COX20: variants seen among roughly 807,000 people sequenced by gnomAD.
COX20 encodes cytochrome c oxidase assembly protein COX20, mitochondrial.
In COX20, 14 loss-of-function variants were observed where a neutral mutation model predicts 14.3. The ratio of observed to expected loss-of-function variants is 0.98; its 90% confidence interval spans 0.65 to 1.53. The LOEUF (loss-of-function observed/expected upper bound fraction) is 1.53, where lower values mean the gene tolerates loss of function less well. COX20 is among the 40% of genes most tolerant of loss of function. The pLI, the probability that COX20 is intolerant of heterozygous loss-of-function variation, is 0.00. For missense variants in COX20, 149 were observed against 142.1 expected, an observed-to-expected ratio of 1.05 and a Z score of -0.25; for synonymous variants, 56 against 51.7, an observed-to-expected ratio of 1.08 and a Z score of -0.36.
intron 1 of COX20, chr1:244,841,614 GC>G (rs1680202801): frequency 5.2e-6 from 1 of 193,776 alleles, no homozygotes; most frequent in Non-Finnish European, 1.1e-5. Context: ...CCAATGATAG[GC>G]ATATTCCCAA....
At chr1:244,840,965 A>G (rs2102973986) in intron 1 of COX20, 1 of 152,340 alleles carries the variant, frequency 6.6e-6, no homozygotes. Context: ...CCTTACTGAA[A>G]ATTTTATATA....
Position 244,835,677 on chromosome 1 carries a change from C to G in COX20, c.-38C>G, listed in dbSNP as rs1040009879. 2.4e-5 allele frequency: 30 copies of G among 1,234,942 alleles called. No individual in the cohort carries two copies. The highest frequency in any genetic ancestry group is 2.9e-5 in the Non-Finnish European group (29 of 988,470). The allele number at this position is 1,234,942 out of a possible 1,614,324, so 76.5% of individuals were successfully genotyped here. On this transcript the variant is annotated 5_prime_UTR_variant, in exon 1 of 4. Coordinates refer to ENST00000411948, the MANE Select transcript of COX20 (RefSeq NM_198076.6). ...AGCCGGGCTTCTGCTTCCGCGACCCCGGCGGTGCAGGGCGGGTGGAGTCGC... is the reference window on the plus strand; with the variant it reads ...AGCCGGGCTTCTGCTTCCGCGACCCGGGCGGTGCAGGGCGGGTGGAGTCGC...
intron 2 of COX20, 25 bp downstream of exon 2, chr1:244,842,083 T>G: frequency 6.5e-7 from 1 of 1,545,218 alleles, no homozygotes; most frequent in Non-Finnish European, 8.9e-7. Flanking sequence ...TTTTTATTTC[T>G]CTATGTACTA....
At position 244,835,731 on chromosome 1, in the gene COX20, A is replaced by C; in HGVS notation, c.17A>C (p.Glu6Ala). Residue 6 changes from glutamate (E) to alanine (A), a missense_variant, in exon 1 of 4, where the codon GAG becomes GCG. Transcript: ENST00000411948. MAAPP[E>A]PGEPEERKSL... ...GTAGTCCTCATGGCCGCCCCGCCGG[A>C]GCCCGGTGAGCCCGAGGAGAGGAAG... is the stretch of plus-strand genomic sequence containing the variant. 7.9e-7 allele frequency: 1 copy of C among 1,268,840 alleles called. No homozygotes were observed. The highest frequency in any genetic ancestry group is 1.0e-6 in the Non-Finnish European group (1 of 1,004,634). 78.6% of individuals were successfully genotyped at this position (1,268,840 alleles called of 1,614,324 possible).
At chr1:244,837,777 GGT>G (rs1680042301) in intron 1 of COX20, among the ~76,000 whole-genome samples, 1 of 152,148 alleles carries the variant, frequency 6.6e-6, no homozygotes, top group Admixed American at 6.5e-5. Context: ...GTGTTCGTTC[GGT>G]AATAACCATC....
intron 1 of COX20, chr1:244,836,427 C>G: frequency 6.7e-7 from 1 of 1,483,484 alleles, no homozygotes. Context: ...AGCGCTCTCC[C>G]TGGAAGGGCT....
At chr1:244,842,952 T>A in intron 3 of COX20, 89 bp from the exon 4 acceptor site, 1 of 1,023,794 alleles carries the variant, frequency 9.8e-7, no homozygotes, top group Non-Finnish European at 1.4e-6. Flanking sequence ...GTCATCTGTA[T>A]TTAAGTTTTG....
At position 244,843,223 on chromosome 1, in the gene COX20, A is replaced by G. The variant is rs763515115; in HGVS notation, c.*47A>G. ...AATGTAAACGAAGTTAAGATCAACCACATAAAACATTTCATGTGCAATAAG... is the reference window on the plus strand; with the variant it reads ...AATGTAAACGAAGTTAAGATCAACCGCATAAAACATTTCATGTGCAATAAG... On this transcript the variant is annotated 3_prime_UTR_variant, in exon 4 of 4. Transcript: ENST00000411948. 1 of 1,496,698 alleles carries G rather than the reference A, an allele frequency of 6.7e-7. No individual in the cohort carries two copies. The highest frequency in any genetic ancestry group is 1.2e-5 in the South Asian group (1 of 80,254). The allele number at this position is 1,496,698 out of a possible 1,614,324, so 92.7% of individuals were successfully genotyped here. A position where few individuals can be genotyped will look rare whatever the true frequency, so the allele number is the denominator to read the frequency against.
At position 244,835,721 on chromosome 1, in the gene COX20, G is replaced by A. The variant is rs201152357; in HGVS notation, c.7G>A (p.Ala3Thr). The A allele has an allele frequency of 3.4e-5, 43 of 1,267,240 alleles. No homozygotes were observed. The African/African-American group carries it at 4.5e-4, about 13-fold the overall frequency. The allele number at this position is 1,267,240 out of a possible 1,614,324, so 78.5% of individuals were successfully genotyped here. MA[A>T]PPEPGEPEER... ...GAGTCGCGGAGTAGTCCTCATGGCC[G>A]CCCCGCCGGAGCCCGGTGAGCCCGA... The change falls in exon 1 of 4, where the codon GCC (alanine) becomes ACC (threonine). Residue 3 changes from alanine to threonine, a missense_variant. Physicochemically the swap from Ala to Thr is moderately conservative, Grantham distance 58 (BLOSUM62 0). Transcript: ENST00000411948.
intron 1 of COX20, among the ~76,000 whole-genome samples, chr1:244,839,592 T>C (rs1680115056): frequency 6.6e-6 from 1 of 152,212 alleles, no homozygotes; most frequent in Non-Finnish European, 1.5e-5. Context: ...AAGGGAGTTA[T>C]GCCCGGGATC....
chr1:244,841,588 T>TA lies in COX20; in HGVS notation c.43-355dup, dbSNP rs1246658858. ...AATTATTGGAGTTACTGAAGCAAGC[T>TA]ATGCTGCTTTCAATTCCAATGATAG... On this transcript the variant is annotated intron_variant, in intron 1 of 3. Coordinates refer to ENST00000411948, the MANE Select transcript of COX20 (RefSeq NM_198076.6). 24 of 174,374 alleles carry TA rather than the reference T, an allele frequency of 1.4e-4. No homozygotes were observed. The South Asian group carries it at 3.4e-3, about 25-fold the overall frequency. The allele number at this position is 174,374 out of a possible 1,614,324, so 10.8% of individuals were successfully genotyped here.
chr1:244,842,156 T>C lies in COX20; in HGVS notation c.158-39T>C, dbSNP rs776464148. On this transcript the variant is annotated intron_variant, in intron 2 of 3. Coordinates refer to ENST00000411948, the MANE Select transcript of COX20 (RefSeq NM_198076.6). ...TCTAGGTGGAGTAATGTATATAACG[T>C]AATTATATTCTAATTAATTGTTATG... 14 of 1,482,422 alleles carry C rather than the reference T, an allele frequency of 9.4e-6. No individual in the cohort carries two copies. The African/African-American group carries it at 1.8e-4, about 19-fold the overall frequency. The allele number at this position is 1,482,422 out of a possible 1,614,324, so 91.8% of individuals were successfully genotyped here.
At chr1:244,835,572 T>A (rs1448167080), upstream of COX20, 1 of 517,342 alleles carries the variant, frequency 1.9e-6, no homozygotes, top group Admixed American at 4.4e-5. Context: ...GTTAGGAACA[T>A]TCCCTAAAAT....
intron 1 of COX20, chr1:244,836,638 T>G: frequency 1.1e-6 from 1 of 887,270 alleles, no homozygotes; most frequent in Non-Finnish European, 1.7e-6. Flanking sequence ...AGGAAAAAAG[T>G]TTAATATAAA....
intron 3 of COX20, chr1:244,842,462 T>C (rs1459020438): frequency 3.7e-6 from 2 of 538,748 alleles, no homozygotes; most frequent in African/African-American, 3.8e-5. Context: ...AAGAAAGCTG[T>C]GGTTTTTACA....
Position 244,844,973 on chromosome 1 carries a change from A to C in COX20, c.*1797A>C, listed in dbSNP as rs143753993. On this transcript the variant is annotated 3_prime_UTR_variant, in exon 4 of 4. Coordinates refer to ENST00000411948, the MANE Select transcript of COX20 (RefSeq NM_198076.6). Reference sequence around the variant, plus strand: ...TAAAATACCCTCATATTTCCATATAATCTACATACATTCTCCCATATACTT... The same window carrying C: ...TAAAATACCCTCATATTTCCATATACTCTACATACATTCTCCCATATACTT... The C allele has an allele frequency of 6.3e-6, 1 of 157,980 alleles. No homozygotes were observed. Among genetic ancestry groups the C allele is most frequent in the African/African-American group, 2.4e-5 (1 of 41,454 alleles). 9.8% of individuals were successfully genotyped at this position (157,980 alleles called of 1,614,324 possible).
At chr1:244,837,383 T>C (rs969786850) in intron 1 of COX20, among the ~76,000 whole-genome samples, 4 of 152,144 alleles carry the variant, frequency 2.6e-5, no homozygotes, top group Admixed American at 2.0e-4. Context: ...TTTAAAAGAA[T>C]TTGTCAGTGA....
At chr1:244,839,043 G>T (rs979936505) in intron 1 of COX20, among the ~76,000 whole-genome samples, 2 of 152,192 alleles carry the variant, frequency 1.3e-5, no homozygotes, top group African/African-American at 4.8e-5. Context: ...ACCCACTTTG[G>T]CCTCCCAAAG....
In COX20 at chr1:244,843,291, TC is replaced by T; in HGVS notation, c.*118del. On this transcript the variant is annotated 3_prime_UTR_variant, in exon 4 of 4. Transcript: ENST00000411948. ...AAAGTTTAAGTTGTAGTCATTTTTT[TC>T]CCACACTTGTGTGGAATGAAAACTT... 1 of 1,277,140 alleles carries T rather than the reference TC, an allele frequency of 7.8e-7. No homozygotes were observed. Among genetic ancestry groups the T allele is most frequent in the Non-Finnish European group, 1.1e-6 (1 of 925,758 alleles). The allele number at this position is 1,277,140 out of a possible 1,614,324, so 79.1% of individuals were successfully genotyped here.
Sources: gnomAD v4.1 joint callset for allele counts (sites outside exome capture counted in the v4.1 genomes callset) on GRCh38, gnomAD v4.1.1 for gene constraint, MANE v1.5 for transcripts, NCBI Gene and HGNC (gene_info 2026-07-23, HGNC 2026-07-21) for gene names.